The following MICAL3 variants were observed in gnomAD, a reference collection of about 807,000 sequenced individuals.
MICAL3 encodes the protein microtubule associated monooxygenase, calponin and LIM domain containing 3.
In MICAL3, 62 loss-of-function variants were observed where a neutral mutation model predicts 207.4. The observed-to-expected ratio is 0.30, with a 90% CI of 0.24 to 0.37. The LOEUF (loss-of-function observed/expected upper bound fraction) is 0.37, where lower values mean the gene tolerates loss of function less well. Among genes scored for constraint, MICAL3 ranks in the 10% least tolerant of loss-of-function variants. The probability of loss-of-function intolerance (pLI) is 1.00; values close to 1 mark genes in which losing one functional copy is unlikely to be tolerated. For synonymous variants in MICAL3, 1,077 were observed against 1,069.3 expected, an observed-to-expected ratio of 1.01 and a Z score of -0.14; for missense variants, 2,368 against 2,635.6, an observed-to-expected ratio of 0.90 and a Z score of 2.22.
intron 1 of MICAL3, among the ~76,000 whole-genome samples, chr22:17,988,145 T>A (rs1382268977): frequency 3.3e-5 from 5 of 152,144 alleles, no homozygotes; most frequent in Non-Finnish European, 7.4e-5. Context: ...GGGTTTTTCT[T>A]CAGAACCAAG....
rs535451163 is a variant in MICAL3 at position 17,862,988 on chromosome 22, A to G, written c.2605+1911T>C. ...GAACCACGCGGACAGAGACGTCCTCAGGGCTCTGACTCTTTCTTGGTGGTT... is the reference window on the plus strand; with the variant it reads ...GAACCACGCGGACAGAGACGTCCTCGGGGCTCTGACTCTTTCTTGGTGGTT... On this transcript the variant is annotated intron_variant, in intron 19 of 31. Transcript: ENST00000441493. 7 of 985,280 alleles carry G rather than the reference A, an allele frequency of 7.1e-6. No homozygotes were observed. The East Asian group carries it at 7.9e-4, about 112-fold the overall frequency. The allele number at this position is 985,280 out of a possible 1,614,324, so 61.0% of individuals were successfully genotyped here.
Position 17,821,938 on chromosome 22 carries a change from C to T in MICAL3, c.3448+92G>A, listed in dbSNP as rs144604364. ...GAGGCTGGTGTGCACCATGGCTCTG[C>T]TCTGAAGCGCCTGGCCCCTGAGCCA... On this transcript the variant is annotated intron_variant, in intron 24 of 31. Transcript: ENST00000441493. 3,075 of 1,513,974 alleles carry T rather than the reference C, an allele frequency of 2.0e-3. 50 individuals are homozygous for T. The African/African-American group carries it at 0.036, about 18-fold the overall frequency. 93.8% of individuals were successfully genotyped at this position (1,513,974 alleles called of 1,614,324 possible).
At chr22:18,010,957 G>T (rs1037911353) in intron 1 of MICAL3, among the ~76,000 whole-genome samples, 5 of 152,014 alleles carry the variant, frequency 3.3e-5, no homozygotes, top group Admixed American at 2.0e-4. Flanking sequence ...GCAACAAAAA[G>T]AAAAAACAAA....
chr22:17,806,988 T>C (rs570274814), intron 29 of MICAL3, among the ~76,000 whole-genome samples: 2 of 152,330 alleles, frequency 1.3e-5, no homozygotes, highest in African/African-American at 4.8e-5. Context: ...GGCGCTCAAG[T>C]GCTTTACGGA....
chr22:17,958,551 G>A (rs1218633613), intron 1 of MICAL3, among the ~76,000 whole-genome samples: 1 of 152,160 alleles, frequency 6.6e-6, no homozygotes, highest in East Asian at 1.9e-4. Context: ...ACCAGAGGGA[G>A]CCCTCGACAG....
intron 8 of MICAL3, 47 bp downstream of exon 8, chr22:17,896,677 A>C: frequency 2.5e-6 from 4 of 1,587,888 alleles, no homozygotes; most frequent in African/African-American, 2.7e-5. Context: ...ATTCACTCCT[A>C]ATTATTCCTG....
intron 1 of MICAL3, among the ~76,000 whole-genome samples, chr22:18,020,670 A>T (rs1359933044): frequency 6.7e-6 from 1 of 149,058 alleles, no homozygotes; most frequent in East Asian, 2.0e-4. Context: ...TAATCCCAGC[A>T]CTTTGGGAGG....
At chr22:17,944,586 AG>A (rs1419101815) in intron 1 of MICAL3, among the ~76,000 whole-genome samples, 1 of 152,182 alleles carries the variant, frequency 6.6e-6, no homozygotes, top group East Asian at 1.9e-4. Context: ...TTCGGTGTGC[AG>A]GCCTCCTGAG....
intron 1 of MICAL3, among the ~76,000 whole-genome samples, chr22:17,956,391 C>T (rs962773400): frequency 7.2e-5 from 11 of 152,154 alleles, no homozygotes; most frequent in African/African-American, 2.7e-4. Flanking sequence ...CATGCACTAC[C>T]GGCCGGGCAT....
Position 17,887,312 on chromosome 22 carries a change from C to T in MICAL3, c.2004+11G>A. The T allele has an allele frequency of 6.2e-7, 1 of 1,611,680 alleles. No homozygotes were observed. The highest frequency in any genetic ancestry group is 8.5e-7 in the Non-Finnish European group (1 of 1,177,860). Reference sequence around the variant, plus strand: ...TAGCTTTGCAGCCCATCAAGAGACTCCTCCACATACCTTGGGAGAACGCTT... The same window carrying T: ...TAGCTTTGCAGCCCATCAAGAGACTTCTCCACATACCTTGGGAGAACGCTT... On this transcript the variant is annotated intron_variant, in intron 14 of 31. Coordinates refer to ENST00000441493, the MANE Select transcript of MICAL3 (RefSeq NM_015241.3).
intron 1 of MICAL3, among the ~76,000 whole-genome samples, chr22:18,022,451 CAG>C (rs1205864676): frequency 1.3e-5 from 2 of 151,116 alleles, no homozygotes; most frequent in African/African-American, 4.9e-5. Context: ...TCTTTTGAGA[CAG>C]AGTCTTACTC....
intron 16 of MICAL3, chr22:17,876,680 G>A (rs931625193): frequency 1.3e-5 from 2 of 151,570 alleles, no homozygotes; most frequent in Non-Finnish European, 1.5e-5. Context: ...GGGGCAGAGA[G>A]GGCAAGTACA....
At chr22:17,842,765 T>C (rs1367226007) in intron 19 of MICAL3, among the ~76,000 whole-genome samples, 4 of 152,216 alleles carry the variant, frequency 2.6e-5, no homozygotes, top group African/African-American at 9.6e-5. Context: ...GGTTTCAGCA[T>C]CGTCGGCGAT....
chr22:18,023,687 C>T (rs866979156), intron 1 of MICAL3, among the ~76,000 whole-genome samples: 2 of 152,226 alleles, frequency 1.3e-5, no homozygotes, highest in Non-Finnish European at 2.9e-5. Context: ...GGAGCTGCGC[C>T]GGCGCAGCGC....
intron 15 of MICAL3, among the ~76,000 whole-genome samples, 165 bp downstream of exon 15, chr22:17,887,005 A>T (rs1193470690): frequency 6.8e-6 from 1 of 147,754 alleles, no homozygotes; most frequent in Non-Finnish European, 1.5e-5. Context: ...AAAAAAAAAA[A>T]AAAAAAAAAA....
At chr22:17,905,639 C>A (rs1010583068) in intron 2 of MICAL3, among the ~76,000 whole-genome samples, 1 of 152,114 alleles carries the variant, frequency 6.6e-6, no homozygotes, top group Non-Finnish European at 1.5e-5. Context: ...CCCTATTGCA[C>A]AAATTAAAGC....
At chr22:18,018,383 T>C (rs1044834070) in intron 1 of MICAL3, among the ~76,000 whole-genome samples, 1 of 152,190 alleles carries the variant, frequency 6.6e-6, no homozygotes, top group Non-Finnish European at 1.5e-5. Flanking sequence ...CCATGATTCA[T>C]AATAAGAAAT....
In MICAL3 at chr22:17,958,108, T is replaced by A. The variant is rs1487512009; in HGVS notation, c.-74-51222A>T. On this transcript the variant is annotated intron_variant, in intron 1 of 31. Transcript: ENST00000441493. ...CCCAGATGATATAAACCTGTAGATT[T>A]TTCTCAACAATTAAAATAACGTGGA... 2.0e-5 allele frequency among the ~76,000 whole-genome samples: 3 copies of A among 150,556 alleles called. No homozygotes were observed. In the Admixed American group the frequency reaches 2.0e-4, roughly 10 times the overall value.
chr22:17,934,133 C>T (rs1933403404), intron 1 of MICAL3, among the ~76,000 whole-genome samples: 1 of 152,104 alleles, frequency 6.6e-6, no homozygotes, highest in Admixed American at 6.6e-5. Flanking sequence ...ATACCAAAGC[C>T]TGGCAGAGAC....
Sources: allele counts gnomAD v4.1 joint callset (sites outside exome capture counted in the v4.1 genomes callset), GRCh38; gene constraint gnomAD v4.1.1; transcripts MANE v1.5; gene names NCBI Gene and HGNC (gene_info 2026-07-23, HGNC 2026-07-21).